ARHGAP45: variants seen among roughly 807,000 people sequenced by gnomAD.
The protein encoded by ARHGAP45 is Rho GTPase activating protein 45, also known as rho GTPase-activating protein 45.
A neutral mutation model predicts 116.1 loss-of-function variants in ARHGAP45; 56 were observed. The observed-to-expected ratio is 0.48, with a 90% confidence interval of 0.39 to 0.60. ARHGAP45 has a LOEUF of 0.60. Ranked by LOEUF, ARHGAP45 falls within the 20% of genes least tolerant of loss-of-function variation. The pLI, the probability that ARHGAP45 is intolerant of heterozygous loss-of-function variation, is 0.00. For missense variants in ARHGAP45, 1,622 were observed against 1,601.0 expected (o/e 1.01, Z -0.22); for synonymous variants, 866 against 701.7 (o/e 1.23, Z -3.70).
rs563851758 is a variant in ARHGAP45 at position 1,074,033 on chromosome 19, G to C, written c.790+19G>C. ...GACGCCGGTAAGCCCCCACCCAGCG[G>C]CAGGCAGGCATTTGAGGGGTGGGCC... On this transcript the variant is annotated intron_variant, in intron 6 of 22. Coordinates refer to ENST00000313093, the MANE Select transcript of ARHGAP45 (RefSeq NM_012292.5). The C allele has an allele frequency of 2.5e-6, 4 of 1,597,422 alleles. No individual in the cohort carries two copies. The African/African-American group carries it at 5.4e-5, about 21-fold the overall frequency.
In ARHGAP45 at chr19:1,073,233, C is replaced by T. The variant is rs773377167; in HGVS notation, c.506C>T (p.Pro169Leu). 1.7e-5 allele frequency: 28 copies of T among 1,613,466 alleles called. No homozygotes were observed. Among genetic ancestry groups the T allele is most frequent in the Non-Finnish European group, 2.2e-5 (26 of 1,180,030 alleles). ...ATGCATCAGATCATCTCCAAGTACC[C>T]GCTGCTGAACACCGTGGAGACGCTC... is the stretch of plus-strand genomic sequence containing the variant. ...RVMHQIISKYPLLNTVETLTA... is the reference protein window; with the variant it reads ...RVMHQIISKYLLLNTVETLTA... The change falls in exon 3 of 23, where the codon CCG becomes CTG. Residue 169 changes from proline to leucine, a missense_variant. Physicochemically the swap from Pro to Leu is moderately conservative, Grantham distance 98. This residue lies in a region of ARHGAP45 where 279 missense variants were observed against 311.9 expected (regional missense o/e 0.89). Coordinates refer to ENST00000313093, the MANE Select transcript of ARHGAP45 (RefSeq NM_012292.5).
In ARHGAP45 at chr19:1,079,707, A is replaced by C; in HGVS notation, c.1379A>C (p.Glu460Ala). 5 of 1,612,438 alleles carry C rather than the reference A, an allele frequency of 3.1e-6. No homozygotes were observed. The highest frequency in any genetic ancestry group is 2.5e-6 in the Non-Finnish European group (3 of 1,179,682). ...TGCGCCCCGCCCCCACCGCAGGCGG[A>C]GGAAGCTATGGCCACCTACCGCACC... Reference protein sequence around the residue: ...RLEEEAKNKAEEAMATYRTCV... With the variant: ...RLEEEAKNKAAEAMATYRTCV... The change falls in exon 12 of 23, where the codon GAG becomes GCG. Residue 460 changes from glutamate (E) to alanine (A), a missense_variant. This residue lies in a region of ARHGAP45 where 1,334 missense variants were observed against 1,263.8 expected (regional missense o/e 1.06). Coordinates refer to ENST00000313093, the MANE Select transcript of ARHGAP45 (RefSeq NM_012292.5).
Position 1,074,651 on chromosome 19 carries a change from T to C in ARHGAP45, c.1031T>C (p.Leu344Pro). Residue 344 changes from leucine to proline, a missense_variant, in exon 9 of 23, where the codon CTG becomes CCG. This residue lies in a region of ARHGAP45 where 1,334 missense variants were observed against 1,263.8 expected (regional missense o/e 1.06). Coordinates refer to ENST00000313093, the MANE Select transcript of ARHGAP45 (RefSeq NM_012292.5). ...MPLLSIYSLA[L>P]EQDLEFGHSM... is the part of the protein sequence containing the mutation. ...CTCCTGTCCATCTACTCGCTGGCCC[T>C]GGAGCAGGACCTGGAGTTCGGCCAC... is the stretch of plus-strand genomic sequence containing the variant. The C allele has an allele frequency of 6.2e-7, 1 of 1,609,210 alleles. No individual in the cohort carries two copies.
chr19:1,066,037 G>T, upstream of ARHGAP45: 1 of 1,535,596 alleles, frequency 6.5e-7, no homozygotes, highest in Non-Finnish European at 8.7e-7. Flanking sequence ...TGAGTCGGGG[G>T]CAAAGAGTTC....
rs138617599 is a variant in ARHGAP45 at position 1,072,762 on chromosome 19, G to A, written c.422-387G>A. ...CTCTATGCCTCAGTTTCCTCACTTAGGAAGGGCAGAGAGAGACCTGGACAG... is the reference window on the plus strand; with the variant it reads ...CTCTATGCCTCAGTTTCCTCACTTAAGAAGGGCAGAGAGAGACCTGGACAG... On this transcript the variant is annotated intron_variant, in intron 2 of 22. Transcript: ENST00000313093. Among the ~76,000 whole-genome samples, 755 of 152,360 alleles carry A rather than the reference G, an allele frequency of 5.0e-3. 18 individuals carry two copies. In the South Asian group the frequency reaches 0.059, roughly 12 times the overall value.
intron 11 of ARHGAP45, among the ~76,000 whole-genome samples, chr19:1,079,428 C>T (rs532249749): frequency 2.3e-4 from 35 of 149,212 alleles, no homozygotes; most frequent in Non-Finnish European, 3.8e-4. Context: ...TGCTTGAACC[C>T]GGTAGGTGGA....
In ARHGAP45 at chr19:1,079,857, G is replaced by T. The variant is rs750827899; in HGVS notation, c.1512+17G>T. On this transcript the variant is annotated intron_variant, in intron 12 of 22. Coordinates refer to ENST00000313093, the MANE Select transcript of ARHGAP45 (RefSeq NM_012292.5). Reference sequence around the variant, plus strand: ...ATCAAGTCGGTGCGTGGGGTGCTCCGGCCGCCCGGGCGGGGATGGTGGACC... The same window carrying T: ...ATCAAGTCGGTGCGTGGGGTGCTCCTGCCGCCCGGGCGGGGATGGTGGACC... 12 of 1,595,390 alleles carry T rather than the reference G, an allele frequency of 7.5e-6. No homozygotes were observed. Among genetic ancestry groups the T allele is most frequent in the Non-Finnish European group, 1.0e-5 (12 of 1,167,674 alleles).
At position 1,085,665 on chromosome 19, in the gene ARHGAP45, C is replaced by T. The variant is rs754998108; in HGVS notation, c.3070C>T (p.Arg1024Ter). The T allele has an allele frequency of 2.6e-6, 4 of 1,562,406 alleles. No individual in the cohort carries two copies. Among genetic ancestry groups the T allele is most frequent in the South Asian group, 1.2e-5 (1 of 85,464 alleles). Residue 1024 changes from arginine (R) to a stop codon, truncating the protein, a stop_gained, in exon 23 of 23, where the codon CGA (arginine) becomes TGA (stop). Transcript: ENST00000313093. LOFTEE classifies it low-confidence loss of function (END_TRUNC). ...CATCTGTCTCCCTTTCTTAGAATCC[C>T]GAGTTGTGTCCAACGATTCGGACTC... ...EAAADGCRESRVVSNDSDSDL... is the reference protein window; with the variant it reads ...EAAADGCRES
chr19:1,080,869 C>A, intron 16 of ARHGAP45, 23 bp from the exon 17 acceptor site: 1 of 1,605,288 alleles, frequency 6.2e-7, no homozygotes, highest in South Asian at 1.1e-5. Flanking sequence ...CTTGGTGACA[C>A]CGGCTGCCTG....
chr19:1,077,387 T>C lies in ARHGAP45; in HGVS notation c.1186-470T>C, dbSNP rs1037003641. ...CCTCCTCCCGTTCTTTTTTTTTTTT[T>C]TTTTTTTGAGCTGGAATCTCTGTTG... On this transcript the variant is annotated intron_variant, in intron 10 of 22. Transcript: ENST00000313093. The C allele has an allele frequency of 6.1e-6, 6 of 985,058 alleles. No homozygotes were observed. The African/African-American group carries it at 1.1e-4, about 17-fold the overall frequency. 61.0% of individuals were successfully genotyped at this position (985,058 alleles called of 1,614,324 possible).
intron 11 of ARHGAP45, 44 bp from the exon 12 acceptor site, chr19:1,079,659 C>A (rs578010115): frequency 3.1e-6 from 5 of 1,606,064 alleles, no homozygotes; most frequent in Admixed American, 3.4e-5. Flanking sequence ...GAGTCCTGCA[C>A]CCCGGGCTGA....
intron 2 of ARHGAP45, 29 bp from the exon 3 acceptor site, chr19:1,073,120 C>T: frequency 1.3e-6 from 2 of 1,592,768 alleles, no homozygotes; most frequent in Non-Finnish European, 1.7e-6. Context: ...GGGCCCTACC[C>T]CACTGCTCAC....
chr19:1,077,528 C>T (rs147316149), intron 10 of ARHGAP45: 11 of 1,035,022 alleles, frequency 1.1e-5, no homozygotes, highest in South Asian at 4.1e-5. Context: ...GGATTACAAG[C>T]GTGCACCACA....
intron 12 of ARHGAP45, 40 bp downstream of exon 12, chr19:1,079,880 A>C (rs1313483028): frequency 6.3e-7 from 1 of 1,591,464 alleles, no homozygotes; most frequent in Non-Finnish European, 8.6e-7. Context: ...GGGATGGTGG[A>C]CCGGGCGGCC....
chr19:1,078,886 T>TA (rs1173641871), intron 11 of ARHGAP45, among the ~76,000 whole-genome samples: 2 of 149,362 alleles, frequency 1.3e-5, no homozygotes, highest in African/African-American at 2.5e-5. Flanking sequence ...CCAGCTAATT[T>TA]AAAAAAATTC....
chr19:1,068,554 C>A lies in ARHGAP45; in HGVS notation c.231C>A (p.Phe77Leu), dbSNP rs893848100. The A allele has an allele frequency of 1.2e-6, 2 of 1,609,378 alleles. No homozygotes were observed. Among genetic ancestry groups the A allele is most frequent in the African/African-American group, 2.7e-5 (2 of 74,828 alleles). The change falls in exon 2 of 23, where the codon TTC becomes TTA. Residue 77 changes from phenylalanine (F) to leucine (L), a missense_variant. This residue lies in a region of ARHGAP45 where 279 missense variants were observed against 311.9 expected (regional missense o/e 0.89). Coordinates refer to ENST00000313093, the MANE Select transcript of ARHGAP45 (RefSeq NM_012292.5). The surrounding 1 kb of genome is among the most constrained non-coding windows in gnomAD (Gnocchi z 7.5). ...GCCGCCACGCCAGCGCGGCTGGCTT[C>A]CCCCTGTCGGGTGCTGCCTCCTGGA... ...SLSRHASAAGFPLSGAASWTL... is the reference protein window; with the variant it reads ...SLSRHASAAGLPLSGAASWTL...
rs2043450500 is a variant in ARHGAP45, at chr19:1,081,943, C to T, written c.2499C>T (p.Leu833=). The T allele has an allele frequency of 3.1e-6, 5 of 1,611,938 alleles. No homozygotes were observed. Among genetic ancestry groups the T allele is most frequent in the Non-Finnish European group, 4.2e-6 (5 of 1,179,664 alleles). ...CGCCCCACGACATCAGCAACGTCCT[C>T]AAGCTCTACCTGCGTCAGGTGAGAC... The part of the protein sequence containing the change: ...QASPHDISNV[L]KLYLRQLPEP... Residue 833 remains leucine (L), a synonymous_variant, in exon 19 of 23, where the codon CTC becomes CTT. Coordinates refer to ENST00000313093, the MANE Select transcript of ARHGAP45 (RefSeq NM_012292.5).
intron 17 of ARHGAP45, chr19:1,081,282 G>A: frequency 4.6e-6 from 3 of 655,422 alleles, no homozygotes; most frequent in Non-Finnish European, 5.1e-6. Flanking sequence ...GACCTGGAGG[G>A]TGAAGAGTCC....
Position 1,081,941 on chromosome 19 carries a change from C to T in ARHGAP45, c.2497C>T (p.Leu833Phe). 6.2e-7 allele frequency: 1 copy of T among 1,612,272 alleles called. No individual in the cohort carries two copies. The highest frequency in any genetic ancestry group is 8.5e-7 in the Non-Finnish European group (1 of 1,179,736). ...CTCGCCCCACGACATCAGCAACGTCCTCAAGCTCTACCTGCGTCAGGTGAG... is the reference window on the plus strand; with the variant it reads ...CTCGCCCCACGACATCAGCAACGTCTTCAAGCTCTACCTGCGTCAGGTGAG... Reference protein sequence around the residue: ...QASPHDISNVLKLYLRQLPEP... With the variant: ...QASPHDISNVFKLYLRQLPEP... Residue 833 changes from leucine to phenylalanine, a missense_variant, in exon 19 of 23, where the codon CTC becomes TTC. This residue lies in a region of ARHGAP45 where 1,334 missense variants were observed against 1,263.8 expected (regional missense o/e 1.06). Transcript: ENST00000313093.
Sources: allele counts gnomAD v4.1 joint callset (sites outside exome capture counted in the v4.1 genomes callset), GRCh38; gene constraint gnomAD v4.1.1; regional missense constraint gnomAD v4.1.1; non-coding constraint Gnocchi (gnomAD v3.1); transcripts MANE v1.5; gene names NCBI Gene and HGNC (gene_info 2026-07-23, HGNC 2026-07-21).